Variants in GRID1 observed in about 807,000 individuals in gnomAD.
The protein encoded by GRID1 is glutamate receptor ionotropic, delta-1.
Under a neutral mutation model 98.0 loss-of-function variants are expected in GRID1, and 28 were observed. That is an observed-to-expected ratio of 0.29 (90% CI 0.21 to 0.39). The LOEUF is 0.39. Among genes scored for constraint, GRID1 ranks in the 10% least tolerant of loss-of-function variants. The probability of loss-of-function intolerance (pLI) is 1.00; values close to 1 mark genes in which losing one functional copy is unlikely to be tolerated. For missense variants in GRID1, 1,111 were observed against 1,340.5 expected (o/e 0.83, Z 2.67); for synonymous variants, 553 against 538.5 (o/e 1.03, Z -0.37).
intron 2 of GRID1, among the ~76,000 whole-genome samples, chr10:86,271,587 A>G (rs1241489096): frequency 1.3e-5 from 2 of 152,272 alleles, no homozygotes; most frequent in Non-Finnish European, 2.9e-5. Flanking sequence ...TAAGATGCAA[A>G]TCAAGCTTCT....
intron 4 of GRID1, among the ~76,000 whole-genome samples, chr10:86,124,901 G>A (rs569824178): frequency 6.6e-6 from 1 of 152,284 alleles, no homozygotes; most frequent in African/African-American, 2.4e-5. Context: ...GGTGTGATAT[G>A]GGGAACTGGG....
chr10:86,285,283 C>T (rs996819230), intron 2 of GRID1, among the ~76,000 whole-genome samples: 5 of 152,214 alleles, frequency 3.3e-5, no homozygotes, highest in Admixed American at 2.6e-4. Flanking sequence ...CCGCCTCTGT[C>T]TCAGGCTGCT....
intron 4 of GRID1, among the ~76,000 whole-genome samples, chr10:86,127,580 G>A (rs1037038566): frequency 6.6e-5 from 10 of 152,140 alleles, no homozygotes; most frequent in Admixed American, 5.9e-4. Context: ...CTCTCTCTTG[G>A]ACTCTAACAT....
chr10:86,218,789 G>A (rs1205246816), intron 2 of GRID1, among the ~76,000 whole-genome samples: 1 of 152,194 alleles, frequency 6.6e-6, no homozygotes, highest in Non-Finnish European at 1.5e-5. Flanking sequence ...TTGCAGCTCA[G>A]TGTCATTGAC....
chr10:86,311,743 T>C (rs7090195), intron 2 of GRID1, among the ~76,000 whole-genome samples: 129,051 of 152,258 alleles, frequency 0.85, 55,736 homozygotes, highest in East Asian at 0.98. Flanking sequence ...CGCCTGTAAT[T>C]CCAGCACTTT....
chr10:86,181,665 AAC>A (rs1413432984), intron 3 of GRID1, among the ~76,000 whole-genome samples: 1 of 152,166 alleles, frequency 6.6e-6, no homozygotes, highest in African/African-American at 2.4e-5. Flanking sequence ...AAAAAACAGA[AAC>A]ACAGACACAC....
At chr10:85,958,156 T>C (rs1842219179) in intron 4 of GRID1, among the ~76,000 whole-genome samples, 1 of 152,232 alleles carries the variant, frequency 6.6e-6, no homozygotes, top group South Asian at 2.1e-4. Context: ...GGACCCCACA[T>C]GCTCCTTTGT....
At chr10:86,335,540 A>G (rs1848210160) in intron 2 of GRID1, among the ~76,000 whole-genome samples, 1 of 152,210 alleles carries the variant, frequency 6.6e-6, no homozygotes, top group African/African-American at 2.4e-5. Flanking sequence ...TTCTCCTGCA[A>G]TATTCAGTAA....
chr10:85,848,660 T>C (rs902067304), intron 8 of GRID1, among the ~76,000 whole-genome samples: 7 of 152,196 alleles, frequency 4.6e-5, no homozygotes, highest in African/African-American at 1.4e-4. Context: ...GGTTTAAAGA[T>C]TGTAGCTGAC....
chr10:86,207,301 A>G (rs1167854373), intron 2 of GRID1, among the ~76,000 whole-genome samples: 1 of 152,234 alleles, frequency 6.6e-6, no homozygotes, highest in African/African-American at 2.4e-5. Flanking sequence ...CAGTTGTTCC[A>G]GAAGGATTAT....
chr10:86,337,020 G>A (rs541034741), intron 2 of GRID1, among the ~76,000 whole-genome samples: 1 of 146,686 alleles, frequency 6.8e-6, no homozygotes, highest in Non-Finnish European at 1.5e-5. Context: ...GTTTTTTGCA[G>A]TTTTTTTTTT....
intron 5 of GRID1, among the ~76,000 whole-genome samples, chr10:85,888,404 T>C (rs1419098691): frequency 6.6e-6 from 1 of 152,234 alleles, no homozygotes; most frequent in African/African-American, 2.4e-5. Context: ...CCAGATCTAC[T>C]GGTTTACAAG....
intron 5 of GRID1, among the ~76,000 whole-genome samples, chr10:85,872,707 C>G (rs1255329213): frequency 6.6e-6 from 1 of 152,208 alleles, no homozygotes; most frequent in Admixed American, 6.5e-5. Context: ...ATTCTACCCA[C>G]CTGGGAATTC....
chr10:86,295,603 G>A (rs754831062), intron 2 of GRID1, among the ~76,000 whole-genome samples: 11 of 152,208 alleles, frequency 7.2e-5, no homozygotes, highest in Non-Finnish European at 1.0e-4. Context: ...AAGGTCAGAC[G>A]GAGTGGAGAA....
chr10:85,954,619 T>G (rs1842166699), intron 4 of GRID1, among the ~76,000 whole-genome samples: 1 of 152,222 alleles, frequency 6.6e-6, no homozygotes, highest in African/African-American at 2.4e-5. Context: ...ACAACATTAC[T>G]GTATCATATG....
At chr10:85,783,838 G>C (rs1408230043) in intron 8 of GRID1, among the ~76,000 whole-genome samples, 1 of 152,162 alleles carries the variant, frequency 6.6e-6, no homozygotes, top group East Asian at 1.9e-4. Flanking sequence ...GCTTACTTGA[G>C]CCAAAATAAA....
At chr10:86,107,044 C>T (rs1159062551) in intron 4 of GRID1, among the ~76,000 whole-genome samples, 3 of 152,174 alleles carry the variant, frequency 2.0e-5, no homozygotes, top group Non-Finnish European at 4.4e-5. Context: ...CTACGGAGAA[C>T]ACCAAGTGAC....
intron 2 of GRID1, among the ~76,000 whole-genome samples, chr10:86,322,411 T>C (rs12261487): frequency 0.17 from 25,645 of 152,056 alleles, 2,250 homozygotes; most frequent in South Asian, 0.24. Flanking sequence ...TTGTTGTTGT[T>C]GTCGTTGTTG....
At chr10:85,913,817 AG>A (rs943822667) in intron 5 of GRID1, among the ~76,000 whole-genome samples, 1 of 152,216 alleles carries the variant, frequency 6.6e-6, no homozygotes, top group Non-Finnish European at 1.5e-5. Flanking sequence ...AGATAAAAAA[AG>A]AAATATTAGA....
Sources: gnomAD v4.1 joint callset for allele counts (sites outside exome capture counted in the v4.1 genomes callset) on GRCh38, gnomAD v4.1.1 for gene constraint, MANE v1.5 for transcripts, NCBI Gene and HGNC (gene_info 2026-07-23, HGNC 2026-07-21) for gene names.